The following WRN variants were observed in gnomAD, a reference collection of about 807,000 sequenced individuals.
WRN encodes the protein WRN RecQ like helicase, also known as bifunctional 3'-5' exonuclease/ATP-dependent helicase WRN.
In WRN, 149 loss-of-function variants were observed where a neutral mutation model predicts 180.7. The ratio of observed to expected loss-of-function variants is 0.82; its 90% confidence interval spans 0.72 to 0.94. WRN has a LOEUF of 0.94. Among genes scored for constraint, WRN ranks in the 40% least tolerant of loss-of-function variants. The probability of loss-of-function intolerance (pLI) is 0.00; values close to 1 mark genes in which losing one functional copy is unlikely to be tolerated. For missense variants in WRN, 1,661 were observed against 1,700.1 expected, an observed-to-expected ratio of 0.98 and a Z score of 0.40; for synonymous variants, 548 against 568.9, an observed-to-expected ratio of 0.96 and a Z score of 0.52.
At chr8:31,097,962 G>A (rs899754798) in intron 17 of WRN, among the ~76,000 whole-genome samples, 3 of 151,994 alleles carry the variant, frequency 2.0e-5, no homozygotes, top group South Asian at 2.1e-4. Flanking sequence ...TTAGGTTTTC[G>A]AATTGCAACG....
intron 23 of WRN, among the ~76,000 whole-genome samples, chr8:31,128,849 ACT>A (rs1393499111): frequency 6.6e-6 from 1 of 152,196 alleles, no homozygotes; most frequent in African/African-American, 2.4e-5. Context: ...ACAGAGCGAG[ACT>A]CTGTCTCAAA....
chr8:31,088,837 C>T (rs1813634848), intron 12 of WRN, 53 bp from the exon 13 acceptor site: 1 of 1,433,610 alleles, frequency 7.0e-7, no homozygotes, highest in South Asian at 1.2e-5. Flanking sequence ...TTTTCTCCCT[C>T]TATGTGGTGT....
At chr8:31,072,559 G>A (rs891233220) in intron 7 of WRN, among the ~76,000 whole-genome samples, 3 of 152,068 alleles carry the variant, frequency 2.0e-5, no homozygotes, top group African/African-American at 7.2e-5. Flanking sequence ...GCTCAGACTC[G>A]TGGCCTCAAG....
chr8:31,064,162 C>T (rs760578155), intron 3 of WRN, 127 bp from the exon 4 acceptor site: 1 of 951,996 alleles, frequency 1.1e-6, no homozygotes. Context: ...TGTTCATTGT[C>T]AGTTGTATGT....
intron 19 of WRN, among the ~76,000 whole-genome samples, 166 bp from the exon 20 acceptor site, chr8:31,116,188 T>G (rs1801509378): frequency 6.6e-6 from 1 of 152,210 alleles, no homozygotes; most frequent in Non-Finnish European, 1.5e-5. Context: ...CTCCATAATG[T>G]TTTAAATTTT....
At chr8:31,130,961 T>G (rs1275759660) in intron 23 of WRN, among the ~76,000 whole-genome samples, 1 of 152,084 alleles carries the variant, frequency 6.6e-6, no homozygotes, top group Admixed American at 6.5e-5. Flanking sequence ...AACCAATGCT[T>G]CTTTTGCCCA....
intron 24 of WRN, among the ~76,000 whole-genome samples, chr8:31,135,828 T>C (rs1802377223): frequency 6.6e-6 from 1 of 152,052 alleles, no homozygotes; most frequent in Non-Finnish European, 1.5e-5. Flanking sequence ...CTCTCTTCTT[T>C]TTCTTTTTTC....
chr8:31,059,581 C>T (rs1300117445), intron 3 of WRN, among the ~76,000 whole-genome samples: 1 of 152,048 alleles, frequency 6.6e-6, no homozygotes, highest in African/African-American at 2.4e-5. Flanking sequence ...TATAGAGCTA[C>T]TGAACATACT....
At chr8:31,113,353 A>G (rs1801391754) in intron 19 of WRN, among the ~76,000 whole-genome samples, 1 of 152,204 alleles carries the variant, frequency 6.6e-6, no homozygotes, top group South Asian at 2.1e-4. Flanking sequence ...ACCTTAAGGA[A>G]TAATTGAAAT....
chr8:31,052,139 C>G (rs1482467290), intron 1 of WRN, among the ~76,000 whole-genome samples: 2 of 152,102 alleles, frequency 1.3e-5, no homozygotes, highest in Non-Finnish European at 2.9e-5. Flanking sequence ...ATTGCTGGCC[C>G]TTGTTCTATA....
At chr8:31,057,565 C>T (rs1305778649) in intron 1 of WRN, among the ~76,000 whole-genome samples, 2 of 151,818 alleles carry the variant, frequency 1.3e-5, no homozygotes, top group African/African-American at 2.4e-5. Context: ...AGCAAGACTC[C>T]GTCTCAAAAC....
chr8:31,056,759 T>C (rs951393278), intron 1 of WRN, among the ~76,000 whole-genome samples: 3 of 152,214 alleles, frequency 2.0e-5, no homozygotes, highest in African/African-American at 7.2e-5. Context: ...TTTATTTGAC[T>C]ACCCCACATT....
At chr8:31,116,557 G>T in intron 20 of WRN, 29 bp downstream of exon 20, 1 of 1,611,928 alleles carries the variant, frequency 6.2e-7, no homozygotes. Flanking sequence ...ATTGCTCTCC[G>T]TTGCTCATAG....
At chr8:31,128,113 A>G (rs997496105) in intron 23 of WRN, among the ~76,000 whole-genome samples, 2 of 151,946 alleles carry the variant, frequency 1.3e-5, no homozygotes, top group Non-Finnish European at 2.9e-5. Context: ...AAAATCCAGC[A>G]AATACATAAA....
chr8:31,113,697 C>T (rs973637936), intron 19 of WRN, among the ~76,000 whole-genome samples: 8 of 152,090 alleles, frequency 5.3e-5, no homozygotes, highest in Non-Finnish European at 1.2e-4. Context: ...TAATATTGTT[C>T]TCCTGGTTTT....
At chr8:31,159,015 C>A (rs1803500957) in intron 33 of WRN, among the ~76,000 whole-genome samples, 1 of 151,966 alleles carries the variant, frequency 6.6e-6, no homozygotes, top group South Asian at 2.1e-4. Context: ...AAAATGAGAA[C>A]AGGCCGGGCG....
At chr8:31,082,269 GATAA>G (rs1362400007) in intron 9 of WRN, among the ~76,000 whole-genome samples, 4 of 151,794 alleles carry the variant, frequency 2.6e-5, no homozygotes, top group South Asian at 2.1e-4. Context: ...TTTATTTCAC[GATAA>G]ATAAGTTTAA....
chr8:31,125,802 T>C (rs1463384435), intron 23 of WRN, among the ~76,000 whole-genome samples: 1 of 150,734 alleles, frequency 6.6e-6, no homozygotes, highest in East Asian at 1.9e-4. Context: ...ACCCACATTA[T>C]TGACAATAAT....
chr8:31,087,591 C>T, intron 11 of WRN, 185 bp from the exon 12 acceptor site: 1 of 572,982 alleles, frequency 1.7e-6, no homozygotes, highest in South Asian at 2.0e-5. Flanking sequence ...TGGCCTTGCG[C>T]CTTAGAAACC....
Sources: allele counts gnomAD v4.1 joint callset (sites outside exome capture counted in the v4.1 genomes callset), GRCh38; gene constraint gnomAD v4.1.1; transcripts MANE v1.5; gene names NCBI Gene and HGNC (gene_info 2026-07-23, HGNC 2026-07-21).